Variants in DAB1 observed in about 807,000 individuals in gnomAD.
The protein encoded by DAB1 is disabled homolog 1.
DAB1 carries 15 observed loss-of-function variants against 64.6 expected under a neutral mutation model. The observed-to-expected ratio is 0.23, with a 90% confidence interval of 0.16 to 0.36. The LOEUF is 0.36. DAB1 is among the 10% of genes least tolerant of loss of function. The probability of loss-of-function intolerance (pLI) is 1.00; values close to 1 mark genes in which losing one functional copy is unlikely to be tolerated. For missense variants in DAB1, 596 were observed against 706.7 expected, an observed-to-expected ratio of 0.84 and a Z score of 1.78; for synonymous variants, 235 against 251.9, an observed-to-expected ratio of 0.93 and a Z score of 0.64.
intron 3 of DAB1, among the ~76,000 whole-genome samples, chr1:57,139,125 T>C (rs560641902): frequency 6.6e-6 from 1 of 152,268 alleles, no homozygotes; most frequent in East Asian, 1.9e-4. Context: ...ATTAGCCCCT[T>C]GATGGTGGCC....
At chr1:57,157,715 T>C (rs1344551733) in intron 2 of DAB1, among the ~76,000 whole-genome samples, 1 of 152,202 alleles carries the variant, frequency 6.6e-6, no homozygotes, top group Non-Finnish European at 1.5e-5. Flanking sequence ...GCAAATATTA[T>C]TACATTGGGA....
intron 3 of DAB1, among the ~76,000 whole-genome samples, chr1:58,470,163 T>A (rs56297713): frequency 2.3e-5 from 3 of 132,926 alleles, no homozygotes; most frequent in Admixed American, 7.7e-5. Context: ...TTTATTTTTA[T>A]TTTTAATTTT....
intron 6 of DAB1, among the ~76,000 whole-genome samples, chr1:57,806,427 G>A (rs1651365281): frequency 6.6e-6 from 1 of 152,176 alleles, no homozygotes; most frequent in African/African-American, 2.4e-5. Context: ...ACACAAGGAA[G>A]CATGCTCTGT....
intron 7 of DAB1, among the ~76,000 whole-genome samples, chr1:57,455,699 T>G (rs1011103388): frequency 2.0e-5 from 3 of 152,108 alleles, no homozygotes; most frequent in African/African-American, 7.2e-5. Flanking sequence ...CCAGCTAAAT[T>G]GGGTCTAGAA....
chr1:57,196,701 TTAACA>T (rs1015210580), intron 2 of DAB1, among the ~76,000 whole-genome samples: 4 of 152,214 alleles, frequency 2.6e-5, no homozygotes, highest in Non-Finnish European at 4.4e-5. Context: ...AAGTCAATTG[TTAACA>T]TAAATCAGAA....
chr1:57,142,106 T>C (rs1022719838), intron 3 of DAB1, among the ~76,000 whole-genome samples: 19 of 152,090 alleles, frequency 1.2e-4, no homozygotes, highest in Non-Finnish European at 2.5e-4. Flanking sequence ...TGTCAACAAA[T>C]GATGATGATG....
chr1:57,347,217 C>T (rs6677561), intron 1 of DAB1, among the ~76,000 whole-genome samples: 79,208 of 151,956 alleles, frequency 0.52, 21,406 homozygotes, highest in African/African-American at 0.56. Context: ...AAGTCCTGCC[C>T]CAAATGGGGC....
chr1:58,274,210 A>G (rs200225817), intron 4 of DAB1, among the ~76,000 whole-genome samples: 125,572 of 137,032 alleles, frequency 0.92, 57,648 homozygotes, highest in South Asian at 0.94. Flanking sequence ...CTTTCTGTTA[A>G]TTTTCCTTCT....
intron 5 of DAB1, among the ~76,000 whole-genome samples, chr1:57,990,855 G>A (rs1358537498): frequency 6.6e-6 from 1 of 152,116 alleles, no homozygotes; most frequent in East Asian, 1.9e-4. Flanking sequence ...CATTTACACT[G>A]GGCACACACA....
chr1:58,501,174 T>G (rs143066802), intron 3 of DAB1, among the ~76,000 whole-genome samples: 216 of 152,332 alleles, frequency 1.4e-3, no homozygotes, highest in African/African-American at 5.0e-3. Context: ...CCTTTTTAAA[T>G]GCTAATGGAT....
At chr1:57,303,732 A>G (rs959953958) in intron 1 of DAB1, among the ~76,000 whole-genome samples, 11 of 152,190 alleles carry the variant, frequency 7.2e-5, no homozygotes, top group Admixed American at 3.3e-4. Context: ...AGAAGTAGAA[A>G]CTGAAGGCAC....
At chr1:57,639,611 T>C (rs2101639685) in intron 7 of DAB1, among the ~76,000 whole-genome samples, 1 of 152,178 alleles carries the variant, frequency 6.6e-6, no homozygotes, top group South Asian at 2.1e-4. Context: ...AAATAATGTG[T>C]CCATGAACTA....
chr1:57,177,954 G>A (rs936315055), intron 2 of DAB1, among the ~76,000 whole-genome samples: 3 of 151,998 alleles, frequency 2.0e-5, no homozygotes, highest in Admixed American at 6.6e-5. Context: ...CCTCCCTTCA[G>A]GTTTTGTGTG....
intron 4 of DAB1, among the ~76,000 whole-genome samples, chr1:58,317,497 C>A (rs1222504047): frequency 6.6e-6 from 1 of 152,222 alleles, no homozygotes; most frequent in Non-Finnish European, 1.5e-5. Context: ...AGAGATTCAA[C>A]TGGCTTGAAG....
intron 5 of DAB1, among the ~76,000 whole-genome samples, chr1:57,932,392 A>G (rs1399587548): frequency 6.6e-6 from 1 of 151,930 alleles, no homozygotes; most frequent in African/African-American, 2.4e-5. Context: ...GTTCTTACTA[A>G]ATTTTTGCCT....
At chr1:57,033,260 G>T in intron 9 of DAB1, 1 of 997,940 alleles carries the variant, frequency 1.0e-6, no homozygotes, top group South Asian at 1.4e-5. Context: ...GGGGACATTT[G>T]AATAGGTACC....
chr1:57,640,881 T>C (rs1056651814), intron 7 of DAB1, among the ~76,000 whole-genome samples: 1 of 152,172 alleles, frequency 6.6e-6, no homozygotes, highest in Non-Finnish European at 1.5e-5. Flanking sequence ...GGAAAGTCTT[T>C]TTATTTTTCC....
At chr1:57,357,976 A>G (rs1173666453) in intron 1 of DAB1, among the ~76,000 whole-genome samples, 1 of 151,998 alleles carries the variant, frequency 6.6e-6, no homozygotes, top group African/African-American at 2.4e-5. Flanking sequence ...GAAAAACACT[A>G]TTGATTTTCA....
intron 1 of DAB1, among the ~76,000 whole-genome samples, chr1:57,373,014 A>G (rs1300347973): frequency 3.0e-5 from 1 of 33,762 alleles, no homozygotes; most frequent in East Asian, 2.6e-4. Context: ...ACGTCTCTAG[A>G]AAAAAAAAAA....
Sources: allele counts gnomAD v4.1 joint callset (sites outside exome capture counted in the v4.1 genomes callset), GRCh38; gene constraint gnomAD v4.1.1; transcripts MANE v1.5; gene names NCBI Gene and HGNC (gene_info 2026-07-23, HGNC 2026-07-21).